The following FLRT1 variants were observed in gnomAD, a reference collection of about 807,000 sequenced individuals.
FLRT1 encodes the protein fibronectin leucine rich transmembrane protein 1.
In FLRT1, 14 loss-of-function variants were observed where a neutral mutation model predicts 30.9. That is an observed-to-expected ratio of 0.45 (90% CI 0.30 to 0.71). FLRT1 has a LOEUF of 0.71. Among genes scored for constraint, FLRT1 ranks in the 30% least tolerant of loss-of-function variants. The pLI is 0.08. For synonymous variants in FLRT1, 368 were observed against 430.4 expected (o/e 0.85, Z 1.80); for missense variants, 737 against 949.2 (o/e 0.78, Z 2.94).
intron 1 of FLRT1, among the ~76,000 whole-genome samples, chr11:64,085,595 G>A (rs545621443): frequency 1.4e-4 from 21 of 152,316 alleles, no homozygotes; most frequent in African/African-American, 3.8e-4. Context: ...AGGCCGCAGC[G>A]TGGGCCAGCA....
intron 1 of FLRT1, among the ~76,000 whole-genome samples, chr11:64,101,896 C>A (rs1334447778): frequency 6.6e-6 from 1 of 152,184 alleles, no homozygotes; most frequent in Non-Finnish European, 1.5e-5. Context: ...GCCACCCTGT[C>A]CACCCCATCA....
At chr11:64,085,356 G>A (rs914910540) in intron 1 of FLRT1, among the ~76,000 whole-genome samples, 4 of 152,214 alleles carry the variant, frequency 2.6e-5, no homozygotes, top group Non-Finnish European at 4.4e-5. Flanking sequence ...ACCCCAAATC[G>A]AATTCGTGCT....
At position 64,117,386 on chromosome 11, in the gene FLRT1, C is replaced by T. The variant is rs570176314; in HGVS notation, c.1119C>T (p.Ser373=). ...GCATGGCCATCAAGGACATTACCAG[C>T]GAGATGGACGAGTGTTTTGAGACGG... The part of the protein sequence containing the change: ...VRGMAIKDIT[S]EMDECFETGP... Residue 373 remains serine, a synonymous_variant, in exon 3 of 3, where the codon AGC becomes AGT. Transcript: ENST00000682287. 1.1e-5 allele frequency: 18 copies of T among 1,611,870 alleles called. No individual in the cohort carries two copies. The highest frequency in any genetic ancestry group is 6.7e-5 in the East Asian group (3 of 44,840).
intron 1 of FLRT1, among the ~76,000 whole-genome samples, chr11:64,102,756 G>T (rs572027338): frequency 2.6e-5 from 4 of 152,228 alleles, no homozygotes; most frequent in African/African-American, 9.6e-5. Context: ...CGGCTCATAG[G>T]CAAGTGGCAT....
chr11:64,085,594 C>A (rs1258181029), intron 1 of FLRT1, among the ~76,000 whole-genome samples: 1 of 152,228 alleles, frequency 6.6e-6, no homozygotes, highest in African/African-American at 2.4e-5. Flanking sequence ...CAGGCCGCAG[C>A]GTGGGCCAGC....
intron 1 of FLRT1, among the ~76,000 whole-genome samples, chr11:64,071,138 C>T (rs1944101220): frequency 6.6e-6 from 1 of 152,122 alleles, no homozygotes; most frequent in African/African-American, 2.4e-5. Flanking sequence ...TTCTACTCAT[C>T]CTTCCCCAGA....
chr11:64,063,160 G>A (rs1161241179), intron 1 of FLRT1, among the ~76,000 whole-genome samples: 1 of 152,198 alleles, frequency 6.6e-6, no homozygotes, highest in Non-Finnish European at 1.5e-5. Flanking sequence ...CACAGATGCA[G>A]GAGCTGGGTG....
At chr11:64,070,607 C>T (rs562726448) in intron 1 of FLRT1, among the ~76,000 whole-genome samples, 1 of 152,304 alleles carries the variant, frequency 6.6e-6, no homozygotes, top group African/African-American at 2.4e-5. Context: ...GGGCCCCCTT[C>T]CCAGAGGAGG....
At chr11:64,073,487 A>C (rs1258811382) in intron 1 of FLRT1, among the ~76,000 whole-genome samples, 3 of 152,126 alleles carry the variant, frequency 2.0e-5, no homozygotes, top group African/African-American at 7.2e-5. Context: ...ATGAAACTGG[A>C]GGTTGGTGGA....
At chr11:64,044,601 G>A (rs1302355793) in intron 1 of FLRT1, among the ~76,000 whole-genome samples, 3 of 152,150 alleles carry the variant, frequency 2.0e-5, no homozygotes, top group Admixed American at 1.3e-4. Flanking sequence ...GTAAACTGAG[G>A]CACTGAGTGG....
At chr11:64,066,479 T>C (rs780532920) in intron 1 of FLRT1, among the ~76,000 whole-genome samples, 27 of 148,084 alleles carry the variant, frequency 1.8e-4, no homozygotes, top group Non-Finnish European at 3.0e-4. Context: ...ATTAGCGGAG[T>C]GTGGTGGCAT....
At chr11:64,099,980 G>A (rs1944643140) in intron 1 of FLRT1, among the ~76,000 whole-genome samples, 1 of 152,156 alleles carries the variant, frequency 6.6e-6, no homozygotes, top group Admixed American at 6.5e-5. Flanking sequence ...GCAGTGTTTG[G>A]TGGATGGTCC....
Position 64,116,653 on chromosome 11 carries a change from T to G in FLRT1, c.386T>G (p.Leu129Arg). 6.2e-7 allele frequency: 1 copy of G among 1,613,782 alleles called. No individual in the cohort carries two copies. The highest frequency in any genetic ancestry group is 8.5e-7 in the Non-Finnish European group (1 of 1,179,948). The part of the protein sequence containing the change: ...DEFPINLPRS[L>R]RELHLQDNNV... ...TTCCCCATCAACCTGCCCCGCTCCC[T>G]CCGGGAGCTGCACCTGCAGGACAAC... The change falls in exon 3 of 3, where the codon CTC (leucine) becomes CGC (arginine). Residue 129 changes from leucine to arginine, a missense_variant. Leu to Arg is a moderately radical substitution (Grantham distance 102). Transcript: ENST00000682287.
intron 1 of FLRT1, among the ~76,000 whole-genome samples, chr11:64,066,921 G>A (rs1034693525): frequency 3.9e-5 from 6 of 152,184 alleles, no homozygotes; most frequent in Admixed American, 1.3e-4. Flanking sequence ...CGGAGCCCAC[G>A]CCCCAGCCCA....
At chr11:64,110,542 C>T (rs1282386233) in intron 2 of FLRT1, among the ~76,000 whole-genome samples, 4 of 151,940 alleles carry the variant, frequency 2.6e-5, no homozygotes, top group Non-Finnish European at 5.9e-5. Flanking sequence ...TGGCAGGGGA[C>T]AACGACTGAT....
intron 1 of FLRT1, among the ~76,000 whole-genome samples, chr11:64,052,414 C>A (rs747413311): frequency 6.6e-6 from 1 of 152,188 alleles, no homozygotes; most frequent in East Asian, 1.9e-4. Context: ...TGGCCTCAAG[C>A]GATCTTCCAT....
At position 64,082,821 on chromosome 11, in the gene FLRT1, C is replaced by T. The variant is rs1001942390; in HGVS notation, c.-1037-20373C>T. On this transcript the variant is annotated intron_variant, in intron 1 of 2. Transcript: ENST00000682287. This position sits in a 1 kb window ranked among gnomAD's most constrained non-coding sequence, Gnocchi z 4.5. ...TTTCCCCTGTTTCCCTCAGCTCAGA[C>T]ATCACCACGACCCACAGGGCACCAG... The T allele has an allele frequency of 6.5e-6, 1 of 152,688 alleles. No individual in the cohort carries two copies. The highest frequency in any genetic ancestry group is 2.1e-4 in the South Asian group (1 of 4,834). The allele number at this position is 152,688 out of a possible 1,614,324, so 9.5% of individuals were successfully genotyped here.
chr11:64,117,807 A>AG lies in FLRT1; in HGVS notation c.1540_1541insG (p.Asn514ArgfsTer6). On this transcript the variant is annotated frameshift_variant, in exon 3 of 3. Coordinates refer to ENST00000682287, the MANE Select transcript of FLRT1 (RefSeq NM_013280.5). LOFTEE classifies it high-confidence loss of function. ...CTGCATGGTCACCATGGAGACCAGC[A>AG]ATGCCTACGTAGCTGATGAGACACC... The AG allele has an allele frequency of 1.2e-6, 2 of 1,614,200 alleles. No homozygotes were observed. The highest frequency in any genetic ancestry group is 8.5e-7 in the Non-Finnish European group (1 of 1,180,042).
At chr11:64,054,251 G>GA (rs368964460) in intron 1 of FLRT1, among the ~76,000 whole-genome samples, 7 of 152,214 alleles carry the variant, frequency 4.6e-5, no homozygotes, top group African/African-American at 1.7e-4. Context: ...CCTGCTTCAG[G>GA]AGACAGTTGG....
Sources: gnomAD v4.1 joint callset for allele counts (sites outside exome capture counted in the v4.1 genomes callset) on GRCh38, gnomAD v4.1.1 for gene constraint, Gnocchi (gnomAD v3.1) non-coding constraint, MANE v1.5 for transcripts, NCBI Gene and HGNC (gene_info 2026-07-23, HGNC 2026-07-21) for gene names.